Variants in GPC6 observed in about 807,000 individuals in gnomAD.
GPC6 encodes the protein glypican-6.
Under a neutral mutation model 55.2 loss-of-function variants are expected in GPC6, and 14 were observed. That is an observed-to-expected ratio of 0.25 (90% CI 0.17 to 0.40). The LOEUF (loss-of-function observed/expected upper bound fraction) is 0.40, where lower values mean the gene tolerates loss of function less well. Ranked by LOEUF, GPC6 falls within the 10% of genes least tolerant of loss-of-function variation. GPC6 has a pLI of 1.00. For synonymous variants in GPC6, 278 were observed against 259.6 expected, an observed-to-expected ratio of 1.07 and a Z score of -0.68; for missense variants, 641 against 708.5, an observed-to-expected ratio of 0.90 and a Z score of 1.08.
chr13:93,310,239 C>G (rs1879018496), intron 1 of GPC6, among the ~76,000 whole-genome samples: 1 of 152,182 alleles, frequency 6.6e-6, no homozygotes, highest in African/African-American at 2.4e-5. Flanking sequence ...TTTCAATGCT[C>G]AGGAAAGAGG....
intron 3 of GPC6, among the ~76,000 whole-genome samples, chr13:93,863,017 G>C (rs1190352403): frequency 6.6e-6 from 1 of 151,674 alleles, no homozygotes; most frequent in African/African-American, 2.4e-5. Context: ...GAAAATATAG[G>C]AACAAGGATA....
At chr13:93,346,471 A>T (rs1880434511) in intron 1 of GPC6, among the ~76,000 whole-genome samples, 1 of 152,078 alleles carries the variant, frequency 6.6e-6, no homozygotes, top group South Asian at 2.1e-4. Context: ...CCCTATTCTC[A>T]TATTTACCTG....
chr13:93,666,557 A>G (rs900639162), intron 2 of GPC6, among the ~76,000 whole-genome samples: 1 of 152,206 alleles, frequency 6.6e-6, no homozygotes, highest in African/African-American at 2.4e-5. Flanking sequence ...CATAGAGCCA[A>G]CGTTTAAAAA....
intron 4 of GPC6, among the ~76,000 whole-genome samples, chr13:94,041,492 A>G (rs1566325503): frequency 6.6e-6 from 1 of 151,846 alleles, no homozygotes; most frequent in Non-Finnish European, 1.5e-5. Context: ...CTGCCAGGTA[A>G]TACCACGTGT....
chr13:94,039,786 A>T (rs1161423386), intron 4 of GPC6, among the ~76,000 whole-genome samples: 2 of 151,842 alleles, frequency 1.3e-5, no homozygotes, highest in Non-Finnish European at 2.9e-5. Flanking sequence ...CTCCATACAG[A>T]TGGCCTGCAT....
At chr13:93,990,632 G>A (rs989291668) in intron 3 of GPC6, among the ~76,000 whole-genome samples, 1 of 151,844 alleles carries the variant, frequency 6.6e-6, no homozygotes, top group Non-Finnish European at 1.5e-5. Context: ...TGAGGTAGGA[G>A]AATTGCTTGA....
intron 4 of GPC6, among the ~76,000 whole-genome samples, chr13:94,261,317 A>G (rs969678221): frequency 6.6e-6 from 1 of 152,178 alleles, no homozygotes; most frequent in Non-Finnish European, 1.5e-5. Context: ...GCATTTGTTA[A>G]TGGTTTGGGC....
intron 2 of GPC6, among the ~76,000 whole-genome samples, chr13:93,781,587 G>A (rs1885652887): frequency 6.6e-6 from 1 of 152,118 alleles, no homozygotes; most frequent in Non-Finnish European, 1.5e-5. Flanking sequence ...ATAGAGAAGA[G>A]GAGCCTTTCA....
At chr13:93,700,134 T>C (rs1882616452) in intron 2 of GPC6, among the ~76,000 whole-genome samples, 1 of 152,128 alleles carries the variant, frequency 6.6e-6, no homozygotes, top group South Asian at 2.1e-4. Context: ...CGCACAGTTA[T>C]GAAAACAAAG....
chr13:93,737,568 T>G lies in GPC6; in HGVS notation c.320-92586T>G, dbSNP rs543262753. ...AATTTAATTAAGTATAGTCTCCATC[T>G]CTTTACCTGCTTTCACTACATCTTG... On this transcript the variant is annotated intron_variant, in intron 2 of 8. Coordinates refer to ENST00000377047, the MANE Select transcript of GPC6 (RefSeq NM_005708.5). 1.7e-4 allele frequency among the ~76,000 whole-genome samples: 26 copies of G among 152,270 alleles called. 1 individual carries two copies. In the South Asian group the frequency reaches 5.4e-3, roughly 32 times the overall value.
intron 4 of GPC6, among the ~76,000 whole-genome samples, chr13:94,153,230 A>G (rs1002894037): frequency 9.2e-5 from 14 of 152,152 alleles, no homozygotes; most frequent in African/African-American, 3.4e-4. Flanking sequence ...ATAGCTCTTC[A>G]TGCGAGTCAG....
Position 93,496,177 on chromosome 13 carries a change from G to T in GPC6, c.161-49086G>T, listed in dbSNP as rs560227470. Among the ~76,000 whole-genome samples, 280 of 152,178 alleles carry T rather than the reference G, an allele frequency of 1.8e-3. 1 individual carries two copies. Among genetic ancestry groups the T allele is most frequent in the Middle Eastern group, 0.014 (4 of 294 alleles). ...ACTGCTGTGCTAGCAATCAGCGAGAGTCCGTGGGCGTAGGACCCTCCGAGC... is the reference window on the plus strand; with the variant it reads ...ACTGCTGTGCTAGCAATCAGCGAGATTCCGTGGGCGTAGGACCCTCCGAGC... On this transcript the variant is annotated intron_variant, in intron 1 of 8. Coordinates refer to ENST00000377047, the MANE Select transcript of GPC6 (RefSeq NM_005708.5).
At chr13:93,223,257 CTG>C (rs1875669041), upstream of GPC6, among the ~76,000 whole-genome samples, 1 of 152,116 alleles carries the variant, frequency 6.6e-6, no homozygotes, top group Non-Finnish European at 1.5e-5. Context: ...CTCTTCAAGA[CTG>C]TGTCTATTTT....
In GPC6 at chr13:94,203,738, A is replaced by G. The variant is rs574595995; in HGVS notation, c.878-82611A>G. On this transcript the variant is annotated intron_variant, in intron 4 of 8. Transcript: ENST00000377047. The stretch of plus-strand genomic sequence containing the variant: ...ATTCTTCTTTACTTCGAAAATTCTC[A>G]ACTACTATTAAATCTGTACGTTTCT... 2.6e-5 allele frequency among the ~76,000 whole-genome samples: 4 copies of G among 152,180 alleles called. No individual in the cohort carries two copies. In the South Asian group the frequency reaches 6.2e-4, roughly 24 times the overall value.
intron 1 of GPC6, among the ~76,000 whole-genome samples, chr13:93,517,225 T>C (rs973096635): frequency 2.0e-5 from 3 of 152,058 alleles, no homozygotes; most frequent in African/African-American, 7.2e-5. Context: ...AATGATGGAG[T>C]ATCTAAGGAA....
intron 2 of GPC6, among the ~76,000 whole-genome samples, chr13:93,647,667 T>C (rs1199185992): frequency 6.6e-6 from 1 of 152,220 alleles, no homozygotes; most frequent in Admixed American, 6.5e-5. Context: ...TTTCAATCCG[T>C]GATTCTTCCA....
intron 1 of GPC6, among the ~76,000 whole-genome samples, chr13:93,289,306 A>G (rs569525546): frequency 1.3e-5 from 2 of 152,280 alleles, no homozygotes; most frequent in Non-Finnish European, 2.9e-5. Flanking sequence ...CAGTACTCCA[A>G]TTCGTAAAAT....
chr13:93,967,528 A>T (rs1880101054), intron 3 of GPC6, among the ~76,000 whole-genome samples: 1 of 152,140 alleles, frequency 6.6e-6, no homozygotes, highest in Non-Finnish European at 1.5e-5. Flanking sequence ...CCTCAAGCAC[A>T]AGTAGAAACT....
chr13:93,761,015 T>C (rs1884936144), intron 2 of GPC6, among the ~76,000 whole-genome samples: 1 of 152,238 alleles, frequency 6.6e-6, no homozygotes, highest in African/African-American at 2.4e-5. Flanking sequence ...GGGATCAGTC[T>C]TCAATATATG....
Sources: gnomAD v4.1 joint callset for allele counts (sites outside exome capture counted in the v4.1 genomes callset) on GRCh38, gnomAD v4.1.1 for gene constraint, MANE v1.5 for transcripts, NCBI Gene and HGNC (gene_info 2026-07-23, HGNC 2026-07-21) for gene names.